MYO9A: variants seen among roughly 807,000 people sequenced by gnomAD.
The protein encoded by MYO9A is unconventional myosin-IXa.
A neutral mutation model predicts 293.3 loss-of-function variants in MYO9A; 103 were observed. The observed-to-expected ratio is 0.35, with a 90% CI of 0.30 to 0.41. MYO9A has a LOEUF of 0.41. Among genes scored for constraint, MYO9A ranks in the 10% least tolerant of loss-of-function variants. MYO9A has a pLI of 1.00. For missense variants in MYO9A, 2,685 were observed against 3,033.0 expected (o/e 0.89, Z 2.69); for synonymous variants, 1,001 against 1,035.7 (o/e 0.97, Z 0.64).
In MYO9A at chr15:71,898,886, A is replaced by G; in HGVS notation, c.3617T>C (p.Ile1206Thr). ...DCSFDNRIKA[I>T]EECKSVIESN... ...CTCTATTACAGATTTACATTCCTCT[A>G]TGGCTTTTATTCTGTTGTCAAAAGA... is the stretch of plus-strand genomic sequence containing the variant. The change falls in exon 25 of 42, where the codon ATA (isoleucine) becomes ACA (threonine). Residue 1206 changes from isoleucine (I) to threonine (T), a missense_variant. Around this residue, in one of 10 missense-constraint regions of MYO9A, gnomAD observed 1,434 missense variants for 1,497.7 expected, o/e 0.96. Transcript: ENST00000356056. The G allele has an allele frequency of 8.1e-6, 13 of 1,614,080 alleles. No homozygotes were observed. The highest frequency in any genetic ancestry group is 1.1e-5 in the Non-Finnish European group (13 of 1,180,000).
intron 18 of MYO9A, among the ~76,000 whole-genome samples, chr15:71,925,922 T>C (rs192576067): frequency 3.2e-4 from 48 of 152,354 alleles, no homozygotes; most frequent in Admixed American, 1.4e-3. Flanking sequence ...CTTTTGCATA[T>C]TTTTATCACG....
At chr15:71,935,604 C>T in intron 16 of MYO9A, 120 bp from the exon 17 acceptor site, 1 of 962,512 alleles carries the variant, frequency 1.0e-6, no homozygotes, top group South Asian at 2.0e-5. Context: ...CTAAACCAAC[C>T]AAAAACTGAT....
chr15:71,849,733 C>T (rs1371061683), intron 38 of MYO9A, among the ~76,000 whole-genome samples: 1 of 151,078 alleles, frequency 6.6e-6, no homozygotes, highest in Non-Finnish European at 1.5e-5. Flanking sequence ...CACAGTTAGA[C>T]TAGATTACAG....
At chr15:72,095,182 G>A (rs1397784011) in intron 1 of MYO9A, among the ~76,000 whole-genome samples, 1 of 92,692 alleles carries the variant, frequency 1.1e-5, no homozygotes, top group East Asian at 2.3e-4. Context: ...TAGACCTCTT[G>A]TGCAAAACAG....
intron 13 of MYO9A, among the ~76,000 whole-genome samples, chr15:71,964,068 T>C (rs1366149602): frequency 1.3e-5 from 2 of 152,206 alleles, no homozygotes; most frequent in Non-Finnish European, 2.9e-5. Context: ...CCTGACAAAA[T>C]ATATGCATAT....
At chr15:71,872,588 A>G (rs1472473017) in intron 32 of MYO9A, among the ~76,000 whole-genome samples, 1 of 152,168 alleles carries the variant, frequency 6.6e-6, no homozygotes, top group Admixed American at 6.5e-5. Flanking sequence ...CCCCCAAAAT[A>G]TGTAAAATAT....
intron 34 of MYO9A, among the ~76,000 whole-genome samples, chr15:71,858,399 C>CAT (rs2055955385): frequency 6.6e-6 from 1 of 152,020 alleles, no homozygotes; most frequent in African/African-American, 2.4e-5. Flanking sequence ...AAATGTGGCA[C>CAT]ATATACAGCA....
At chr15:71,867,274 A>T (rs997758822) in intron 32 of MYO9A, among the ~76,000 whole-genome samples, 2 of 152,190 alleles carry the variant, frequency 1.3e-5, no homozygotes, top group African/African-American at 4.8e-5. Flanking sequence ...ATTTAAATGT[A>T]AAAAATGTGA....
chr15:71,883,857 A>G, intron 27 of MYO9A, 121 bp from the exon 28 acceptor site: 1 of 889,726 alleles, frequency 1.1e-6, no homozygotes, highest in Non-Finnish European at 1.6e-6. Context: ...CTTCACATTT[A>G]AATTAAGTGT....
chr15:71,893,327 C>T, intron 26 of MYO9A: 1 of 507,424 alleles, frequency 2.0e-6, no homozygotes, highest in Non-Finnish European at 3.2e-6. Flanking sequence ...GCAGAAGTGA[C>T]AGGGATGACC....
At chr15:71,837,954 T>C (rs1438168859) in intron 39 of MYO9A, among the ~76,000 whole-genome samples, 1 of 152,170 alleles carries the variant, frequency 6.6e-6, no homozygotes, top group Non-Finnish European at 1.5e-5. Flanking sequence ...ATTTACTTTT[T>C]TCAAACTGGA....
At chr15:71,899,638 A>T in intron 24 of MYO9A, 49 bp downstream of exon 24, 3 of 1,491,484 alleles carry the variant, frequency 2.0e-6, no homozygotes, top group Non-Finnish European at 2.7e-6. Context: ...GTATAAACAA[A>T]GTACTTGGGA....
At chr15:71,907,247 T>C (rs1282955893) in intron 19 of MYO9A, among the ~76,000 whole-genome samples, 7 of 151,136 alleles carry the variant, frequency 4.6e-5, no homozygotes, top group African/African-American at 1.7e-4. Context: ...TCCAATTTCA[T>C]CCATGTCCCT....
chr15:72,011,965 T>C (rs2077187541), intron 6 of MYO9A, among the ~76,000 whole-genome samples: 1 of 152,200 alleles, frequency 6.6e-6, no homozygotes, highest in Non-Finnish European at 1.5e-5. Flanking sequence ...ATATAAATAT[T>C]GAATTGAATG....
At chr15:71,942,257 C>G (rs1474659221) in intron 15 of MYO9A, among the ~76,000 whole-genome samples, 1 of 151,948 alleles carries the variant, frequency 6.6e-6, no homozygotes, top group Admixed American at 6.6e-5. Context: ...AAATGTAAAA[C>G]TGACTTATAG....
Position 71,904,080 on chromosome 15 carries a change from C to A in MYO9A, c.2767-41G>T, listed in dbSNP as rs199697300. Reference sequence around the variant, plus strand: ...AAAAGATTAACCCAGAACAGTAGATCTCCAAATTAATTATCTGTTTATAAG... The same window carrying A: ...AAAAGATTAACCCAGAACAGTAGATATCCAAATTAATTATCTGTTTATAAG... On this transcript the variant is annotated intron_variant, in intron 20 of 41. Transcript: ENST00000356056. The A allele has an allele frequency of 1.6e-5, 23 of 1,440,406 alleles. No homozygotes were observed. In the African/African-American group the frequency reaches 2.5e-4, roughly 16 times the overall value. The allele number at this position is 1,440,406 out of a possible 1,614,324, so 89.2% of individuals were successfully genotyped here. A position where few individuals can be genotyped will look rare whatever the true frequency, so the allele number is the denominator to read the frequency against.
chr15:71,897,985 T>G lies in MYO9A; in HGVS notation c.4518A>C (p.Gln1506His). ...EKEERQKQLQ[Q>H]QNEKEMMEQI... ...GTTCCATCATCTCTTTTTCATTCTG[T>G]TGCTGCAACTGTTTTTGCCTTTCTT... is the stretch of plus-strand genomic sequence containing the variant. The change falls in exon 25 of 42, where the codon CAA becomes CAC. Residue 1506 changes from glutamine to histidine, a missense_variant. By Grantham distance (24) the Gln-to-His change is conservative. Coordinates refer to ENST00000356056, the MANE Select transcript of MYO9A (RefSeq NM_006901.4). 6.2e-7 allele frequency: 1 copy of G among 1,614,176 alleles called. No individual in the cohort carries two copies. The highest frequency in any genetic ancestry group is 1.1e-5 in the South Asian group (1 of 91,084).
At chr15:72,086,743 T>C (rs2079745501) in intron 1 of MYO9A, among the ~76,000 whole-genome samples, 1 of 14,098 alleles carries the variant, frequency 7.1e-5, no homozygotes, top group East Asian at 0.014. Flanking sequence ...CCACCGGGGC[T>C]GTTTTGTTTT....
intron 12 of MYO9A, among the ~76,000 whole-genome samples, chr15:71,973,782 C>T (rs2076071320): frequency 6.6e-6 from 1 of 152,218 alleles, no homozygotes; most frequent in South Asian, 2.1e-4. Flanking sequence ...GTCCCTTCTA[C>T]ATAGGTCCAT....
Sources: gnomAD v4.1 joint callset for allele counts (sites outside exome capture counted in the v4.1 genomes callset) on GRCh38, gnomAD v4.1.1 for gene constraint, gnomAD v4.1.1 regional missense constraint, MANE v1.5 for transcripts, NCBI Gene and HGNC (gene_info 2026-07-23, HGNC 2026-07-21) for gene names.